Variants in PPCS observed in about 807,000 individuals in gnomAD.
PPCS encodes the protein phosphopantothenate--cysteine ligase.
In PPCS, 17 loss-of-function variants were observed where a neutral mutation model predicts 24.6. That is an observed-to-expected ratio of 0.69 (90% CI 0.47 to 1.04). The LOEUF is 1.04. Ranked by LOEUF, PPCS falls within the 50% of genes least tolerant of loss-of-function variation. The pLI, the probability that PPCS is intolerant of heterozygous loss-of-function variation, is 0.00. For missense variants in PPCS, 360 were observed against 402.8 expected (o/e 0.89, Z 0.91); for synonymous variants, 190 against 168.3 (o/e 1.13, Z -1.00).
At chr1:42,469,167 C>T (rs1643684196) in intron 2 of PPCS, among the ~76,000 whole-genome samples, 1 of 152,032 alleles carries the variant, frequency 6.6e-6, no homozygotes, top group Non-Finnish European at 1.5e-5. Context: ...TCACTTGAGC[C>T]CCGGTGTTCA....
chr1:42,471,932 A>G (rs1445601523), intron 2 of PPCS, among the ~76,000 whole-genome samples: 1 of 152,212 alleles, frequency 6.6e-6, no homozygotes, highest in Non-Finnish European at 1.5e-5. Flanking sequence ...CTGAAGTACA[A>G]TAACAATTAT....
downstream of PPCS, among the ~76,000 whole-genome samples, chr1:42,463,027 T>C (rs1377015423): frequency 6.6e-6 from 1 of 152,286 alleles, no homozygotes; most frequent in African/African-American, 2.4e-5. Flanking sequence ...CTTTGAGAGC[T>C]AGAACGCCCC....
intron 2 of PPCS, among the ~76,000 whole-genome samples, chr1:42,467,999 G>A (rs935386536): frequency 6.6e-6 from 1 of 152,352 alleles, no homozygotes; most frequent in South Asian, 2.1e-4. Context: ...GGGAAGCTCA[G>A]AGACAGAAGA....
At chr1:42,457,466 G>C in intron 2 of PPCS, 116 bp downstream of exon 2, 2 of 882,292 alleles carry the variant, frequency 2.3e-6, no homozygotes, top group Non-Finnish European at 3.7e-6. Flanking sequence ...AGGGGATACA[G>C]AGATGAATAA....
At chr1:42,470,107 G>T (rs1322667208) in intron 2 of PPCS, among the ~76,000 whole-genome samples, 1 of 152,152 alleles carries the variant, frequency 6.6e-6, no homozygotes, top group Non-Finnish European at 1.5e-5. Flanking sequence ...AAGATAACTG[G>T]GGATGTTGGT....
downstream of PPCS, chr1:42,463,215 T>G (rs1643458985): frequency 6.6e-6 from 1 of 152,222 alleles, no homozygotes; most frequent in African/African-American, 2.4e-5. Flanking sequence ...AGTCTCTGGT[T>G]CCACTGGCGT....
At position 42,457,674 on chromosome 1, in the gene PPCS, C is replaced by T. The variant is rs945635337; in HGVS notation, c.612+324C>T. The T allele has an allele frequency of 2.1e-5, 6 of 282,526 alleles. No homozygotes were observed. The South Asian group carries it at 2.5e-4, about 12-fold the overall frequency. The allele number at this position is 282,526 out of a possible 1,614,324, so 17.5% of individuals were successfully genotyped here. Reference sequence around the variant, plus strand: ...CTGGGTTTTAAAAGATGAGCAGAACCGAGCGCGGTGGCTCACGCCTGTAAT... The same window carrying T: ...CTGGGTTTTAAAAGATGAGCAGAACTGAGCGCGGTGGCTCACGCCTGTAAT... On this transcript the variant is annotated intron_variant, in intron 2 of 2. Coordinates refer to ENST00000372561, the MANE Select transcript of PPCS (RefSeq NM_024664.4).
downstream of PPCS, among the ~76,000 whole-genome samples, chr1:42,465,046 GCTTTC>G (rs959034157): frequency 7.2e-5 from 11 of 152,204 alleles, no homozygotes; most frequent in Admixed American, 3.3e-4. Context: ...ATTGTAAGGG[GCTTTC>G]CTTTCCTTTC....
At chr1:42,456,513 G>A (rs1168331846), upstream of PPCS, 3 of 1,431,914 alleles carry the variant, frequency 2.1e-6, no homozygotes, top group Non-Finnish European at 2.7e-6. Context: ...GGCGAGAAGG[G>A]GCGTGGCGCG....
At chr1:42,472,099 C>A (rs1482565719) in intron 2 of PPCS, among the ~76,000 whole-genome samples, 1 of 151,952 alleles carries the variant, frequency 6.6e-6, no homozygotes, top group South Asian at 2.1e-4. Flanking sequence ...ACTAAAAATA[C>A]AAAAATTAGC....
At chr1:42,473,271 C>T in exon 3 of PPCS, 1 of 1,231,438 alleles carries the variant, frequency 8.1e-7, no homozygotes, top group East Asian at 3.2e-5. Context: ...TGTAGAAGAG[C>T]TTATAGTGAA....
upstream of PPCS, chr1:42,456,430 G>A: frequency 4.2e-6 from 4 of 951,318 alleles, no homozygotes; most frequent in South Asian, 3.7e-5. Context: ...CAGACTTGGC[G>A]AGATCGGGAC....
intron 2 of PPCS, chr1:42,457,618 C>T (rs907818084): frequency 2.2e-6 from 1 of 460,024 alleles, no homozygotes; most frequent in South Asian, 2.7e-5. Context: ...CTGGGGGAGT[C>T]GATGAAGCTT....
At chr1:42,462,806 C>T (rs1468626679), downstream of PPCS, among the ~76,000 whole-genome samples, 3 of 152,142 alleles carry the variant, frequency 2.0e-5, no homozygotes, top group African/African-American at 7.2e-5. Flanking sequence ...CAATTCTAGT[C>T]AAGCCCAGTT....
rs754856353 is a variant in PPCS, at chr1:42,456,557, G to A, written c.-9G>A. ...GAAACGTGCGCAGGCGCCGGCCGCT[G>A]CGCTGCAGATGGCGGAAATGGATCC... On this transcript the variant is annotated 5_prime_UTR_variant, in exon 1 of 3. Coordinates refer to ENST00000372561, the MANE Select transcript of PPCS (RefSeq NM_024664.4). 65 of 1,464,234 alleles carry A rather than the reference G, an allele frequency of 4.4e-5. No homozygotes were observed. The highest frequency in any genetic ancestry group is 7.6e-5 in the East Asian group (3 of 39,708). 90.7% of individuals were successfully genotyped at this position (1,464,234 alleles called of 1,614,324 possible). A position where few individuals can be genotyped will look rare whatever the true frequency, so the allele number is the denominator to read the frequency against.
Position 42,459,848 on chromosome 1 carries a change from A to G in PPCS, c.858A>G (p.Glu286=). 1.2e-6 allele frequency: 2 copies of G among 1,614,228 alleles called. No homozygotes were observed. The highest frequency in any genetic ancestry group is 1.7e-4 in the Middle Eastern group (1 of 6,058). Residue 286 remains glutamate, a synonymous_variant, in exon 3 of 3, where the codon GAA becomes GAG. Transcript: ENST00000372561. ...TATTGCTATCAGAGGAAGAAATAGAAAAAGGCGTAGAGATAGAAGAGAAGA... is the reference window on the plus strand; with the variant it reads ...TATTGCTATCAGAGGAAGAAATAGAGAAAGGCGTAGAGATAGAAGAGAAGA... ...TKLLLSEEEI[E]KGVEIEEKIV...
At chr1:42,469,833 A>T (rs1643709123) in intron 2 of PPCS, among the ~76,000 whole-genome samples, 1 of 152,126 alleles carries the variant, frequency 6.6e-6, no homozygotes, top group Admixed American at 6.5e-5. Flanking sequence ...GAGGGGAGAG[A>T]TGAGATATTC....
Position 42,466,756 on chromosome 1 carries a change from TG to T in PPCS, n.378-6364del, listed in dbSNP as rs1569665741. 2.6e-5 allele frequency among the ~76,000 whole-genome samples: 4 copies of T among 152,224 alleles called. No homozygotes were observed. The South Asian group carries it at 6.2e-4, about 24-fold the overall frequency. On this transcript the variant is annotated intron_variant and non_coding_transcript_variant, in intron 2 of 2. Transcript: ENST00000471420. ...TAGTAGAGATGAGGTTTCCCCATGT[TG>T]GCCAGGCCAGTCTTGAACTCCTGAC...
downstream of PPCS, among the ~76,000 whole-genome samples, chr1:42,461,441 T>TA (rs1315164162): frequency 6.6e-6 from 1 of 152,120 alleles, no homozygotes; most frequent in Admixed American, 6.5e-5. Context: ...ACTCAAGCAC[T>TA]CCTACTGCCA....
Sources: allele counts gnomAD v4.1 joint callset (sites outside exome capture counted in the v4.1 genomes callset), GRCh38; gene constraint gnomAD v4.1.1; transcripts MANE v1.5; gene names NCBI Gene and HGNC (gene_info 2026-07-23, HGNC 2026-07-21).